ANKRD50: variants seen among roughly 807,000 people sequenced by gnomAD.
The protein encoded by ANKRD50 is ankyrin repeat domain 50.
ANKRD50 carries 40 observed loss-of-function variants against 112.0 expected under a neutral mutation model. The ratio of observed to expected loss-of-function variants is 0.36; its 90% CI spans 0.28 to 0.46. The LOEUF is 0.46. Ranked by LOEUF, ANKRD50 falls within the 20% of genes least tolerant of loss-of-function variation. The probability of loss-of-function intolerance (pLI) is 1.00; values close to 1 mark genes in which losing one functional copy is unlikely to be tolerated. For synonymous variants in ANKRD50, 613 were observed against 619.1 expected (o/e 0.99, Z 0.15); for missense variants, 1,487 against 1,701.7 (o/e 0.87, Z 2.22).
At chr4:124,674,937 T>G (rs1222528837) in intron 3 of ANKRD50, among the ~76,000 whole-genome samples, 1 of 151,760 alleles carries the variant, frequency 6.6e-6, no homozygotes, top group Non-Finnish European at 1.5e-5. Flanking sequence ...GTACTGAAAA[T>G]AATTACTTTT....
Position 124,670,273 on chromosome 4 carries a change from G to A in ANKRD50, c.3004C>T (p.His1002Tyr), listed in dbSNP as rs371573842. 3.7e-6 allele frequency: 6 copies of A among 1,613,818 alleles called. No individual in the cohort carries two copies. Among genetic ancestry groups the A allele is most frequent in the East Asian group, 2.2e-5 (1 of 44,882 alleles). ...TTGTCTGCAGCATTGACGTCAGCAT[G>A]GTATGCTATCAGGACCTGCACCATT... Reference protein sequence around the residue: ...MEMVQVLIAYHADVNAADNEK... With the variant: ...MEMVQVLIAYYADVNAADNEK... Residue 1002 changes from histidine to tyrosine, a missense_variant, in exon 4 of 5, where the codon CAT becomes TAT. His to Tyr is a moderately conservative substitution (Grantham distance 83). Coordinates refer to ENST00000504087, the MANE Select transcript of ANKRD50 (RefSeq NM_020337.3).
Position 124,710,321 on chromosome 4 carries a change from A to G in ANKRD50, c.191T>C (p.Val64Ala). Residue 64 changes from valine (V) to alanine (A), a missense_variant, in exon 2 of 5, where the codon GTC becomes GCC. Around this residue, in one of 2 missense-constraint regions of ANKRD50, gnomAD observed 1,046 missense variants for 1,269.5 expected, o/e 0.82. Coordinates refer to ENST00000504087, the MANE Select transcript of ANKRD50 (RefSeq NM_020337.3). ...VMNSGNNASG[V>A]SGKGAAWGVL... Reference sequence around the variant, plus strand: ...ACCCCAGGCAGCTCCCTTTCCAGAGACACCACTAGCATTATTCCCAGAATT... The same window carrying G: ...ACCCCAGGCAGCTCCCTTTCCAGAGGCACCACTAGCATTATTCCCAGAATT... The G allele has an allele frequency of 1.2e-6, 2 of 1,614,150 alleles. No individual in the cohort carries two copies. The highest frequency in any genetic ancestry group is 1.7e-6 in the Non-Finnish European group (2 of 1,180,026).
intron 2 of ANKRD50, among the ~76,000 whole-genome samples, chr4:124,687,477 T>G (rs1248341075): frequency 6.6e-6 from 1 of 152,114 alleles, no homozygotes; most frequent in Non-Finnish European, 1.5e-5. Context: ...TAAAGAGTTT[T>G]TAGACACTTC....
chr4:124,671,523 G>C lies in ANKRD50; in HGVS notation c.1754C>G (p.Ala585Gly). 6.2e-7 allele frequency: 1 copy of C among 1,613,682 alleles called. No individual in the cohort carries two copies. Among genetic ancestry groups the C allele is most frequent in the African/African-American group, 1.3e-5 (1 of 74,956 alleles). ...DAHGHTPLTL[A>G]ARQGHTKVVN... ...CACCTTGGTATGTCCCTGTCTAGCCGCTAGAGTGAGTGGTGTATGTCCATG... is the reference window on the plus strand; with the variant it reads ...CACCTTGGTATGTCCCTGTCTAGCCCCTAGAGTGAGTGGTGTATGTCCATG... Residue 585 changes from alanine to glycine, a missense_variant, in exon 4 of 5, where the codon GCG becomes GGG. By Grantham distance (60) the Ala-to-Gly change is moderately conservative. Coordinates refer to ENST00000504087, the MANE Select transcript of ANKRD50 (RefSeq NM_020337.3).
chr4:124,671,189 T>G lies in ANKRD50; in HGVS notation c.2088A>C (p.Leu696=), dbSNP rs560047164. 6.2e-7 allele frequency: 1 copy of G among 1,613,756 alleles called. No individual in the cohort carries two copies. The highest frequency in any genetic ancestry group is 8.5e-7 in the Non-Finnish European group (1 of 1,179,856). ...GATTTACTTCTGCTCCATGGTCCAGTAGGTGTTCCACAATCTCTCTATGTC... is the reference window on the plus strand; with the variant it reads ...GATTTACTTCTGCTCCATGGTCCAGGAGGTGTTCCACAATCTCTCTATGTC... The part of the protein sequence containing the change: ...YMGHREIVEH[L]LDHGAEVNHE... The change falls in exon 4 of 5, where the codon CTA becomes CTC. Residue 696 remains leucine, a synonymous_variant. Coordinates refer to ENST00000504087, the MANE Select transcript of ANKRD50 (RefSeq NM_020337.3).
chr4:124,690,673 G>A lies in ANKRD50; in HGVS notation c.513-11768C>T, dbSNP rs542841418. ...CATGCATGGTTTACTACAATTAACT[G>A]CTGTAGGCTTTAACATCTCCCCACT... On this transcript the variant is annotated intron_variant, in intron 2 of 4. Transcript: ENST00000504087. Among the ~76,000 whole-genome samples the A allele has an allele frequency of 2.0e-5, 3 of 152,236 alleles. No individual in the cohort carries two copies. The South Asian group carries it at 6.2e-4, about 32-fold the overall frequency.
intron 2 of ANKRD50, among the ~76,000 whole-genome samples, chr4:124,707,467 G>A (rs559914775): frequency 1.1e-3 from 162 of 152,142 alleles, no homozygotes; most frequent in African/African-American, 3.9e-3. Context: ...GTGCTCTCAG[G>A]TTTGCAAGTG....
At chr4:124,674,450 G>A (rs1256853071) in intron 3 of ANKRD50, among the ~76,000 whole-genome samples, 2 of 151,886 alleles carry the variant, frequency 1.3e-5, no homozygotes, top group African/African-American at 4.8e-5. Flanking sequence ...AGTAGTTTAA[G>A]TATTCATTAT....
chr4:124,673,883 G>T (rs1020453445), intron 3 of ANKRD50, among the ~76,000 whole-genome samples: 3 of 151,848 alleles, frequency 2.0e-5, no homozygotes, highest in Non-Finnish European at 4.4e-5. Flanking sequence ...TATAAAAATA[G>T]AATCTAATTT....
intron 4 of ANKRD50, among the ~76,000 whole-genome samples, chr4:124,668,526 A>C (rs896687339): frequency 6.6e-6 from 1 of 152,122 alleles, no homozygotes; most frequent in South Asian, 2.1e-4. Context: ...TTTTAAAAGG[A>C]GGACATAACT....
intron 2 of ANKRD50, among the ~76,000 whole-genome samples, chr4:124,693,159 GT>G (rs1453693902): frequency 4.6e-5 from 7 of 152,126 alleles, no homozygotes; most frequent in Non-Finnish European, 8.8e-5. Flanking sequence ...AAACAAGGAA[GT>G]TCTTAAAACC....
chr4:124,685,480 A>G (rs1724986225), intron 2 of ANKRD50, among the ~76,000 whole-genome samples: 1 of 152,232 alleles, frequency 6.6e-6, no homozygotes, highest in South Asian at 2.1e-4. Flanking sequence ...CATTTGTAAA[A>G]TGAAAATCCC....
intron 2 of ANKRD50, among the ~76,000 whole-genome samples, chr4:124,702,324 A>G (rs967343616): frequency 6.6e-6 from 1 of 152,214 alleles, no homozygotes; most frequent in African/African-American, 2.4e-5. Context: ...GAATGGGTGA[A>G]TAAAAATTGT....
Position 124,710,749 on chromosome 4 carries a change from A to T in ANKRD50, c.-238T>A. 1.9e-6 allele frequency: 1 copy of T among 534,420 alleles called. No homozygotes were observed. The highest frequency in any genetic ancestry group is 3.3e-5 in the Admixed American group (1 of 29,886). The allele number at this position is 534,420 out of a possible 1,614,324, so 33.1% of individuals were successfully genotyped here. Reference sequence around the variant, plus strand: ...AACTGAGGGAGAAACGCCTGATTCCACAGCTCAGCAACACTTTTCCTAAAT... The same window carrying T: ...AACTGAGGGAGAAACGCCTGATTCCTCAGCTCAGCAACACTTTTCCTAAAT... On this transcript the variant is annotated 5_prime_UTR_variant, in exon 2 of 5. Transcript: ENST00000504087.
At position 124,672,165 on chromosome 4, in the gene ANKRD50, T is replaced by C. The variant is rs1419706657; in HGVS notation, c.1112A>G (p.His371Arg). The change falls in exon 4 of 5, where the codon CAC becomes CGC. Residue 371 changes from histidine (H) to arginine (R), a missense_variant. Around this residue, in one of 2 missense-constraint regions of ANKRD50, gnomAD observed 1,046 missense variants for 1,269.5 expected, o/e 0.82. Coordinates refer to ENST00000504087, the MANE Select transcript of ANKRD50 (RefSeq NM_020337.3). ...CGACATGTTTTTGGTCCATACTGCGTGATATAATTCCGTTATGGTCAAAGG... is the reference window on the plus strand; with the variant it reads ...CGACATGTTTTTGGTCCATACTGCGCGATATAATTCCGTTATGGTCAAAGG... The part of the protein sequence containing the change: ...CRPLTITELY[H>R]AVWTKNMSLT... 1.9e-6 allele frequency: 3 copies of C among 1,613,890 alleles called. No homozygotes were observed. Among genetic ancestry groups the C allele is most frequent in the East Asian group, 2.2e-5 (1 of 44,868 alleles).
At chr4:124,690,845 G>C (rs1296201055) in intron 2 of ANKRD50, among the ~76,000 whole-genome samples, 1 of 152,190 alleles carries the variant, frequency 6.6e-6, no homozygotes, top group African/African-American at 2.4e-5. Flanking sequence ...AGTATAGAAA[G>C]AAGTAAGGAA....
intron 2 of ANKRD50, among the ~76,000 whole-genome samples, chr4:124,687,457 C>T (rs1426664745): frequency 6.6e-6 from 1 of 151,588 alleles, no homozygotes; most frequent in Non-Finnish European, 1.5e-5. Flanking sequence ...CTTTGTAATA[C>T]TGAGTTAGAT....
At chr4:124,674,163 G>C (rs1730720331) in intron 3 of ANKRD50, among the ~76,000 whole-genome samples, 1 of 151,754 alleles carries the variant, frequency 6.6e-6, no homozygotes, top group Non-Finnish European at 1.5e-5. Context: ...AATAAAATAA[G>C]TTACTTAAGA....
intron 2 of ANKRD50, among the ~76,000 whole-genome samples, chr4:124,689,167 C>T (rs932220881): frequency 1.3e-5 from 2 of 152,172 alleles, no homozygotes; most frequent in African/African-American, 4.8e-5. Context: ...ACATATTATT[C>T]ACCACCGTAT....
Sources: allele counts gnomAD v4.1 joint callset (sites outside exome capture counted in the v4.1 genomes callset), GRCh38; gene constraint gnomAD v4.1.1; regional missense constraint gnomAD v4.1.1; transcripts MANE v1.5; gene names NCBI Gene and HGNC (gene_info 2026-07-23, HGNC 2026-07-21).